The following PRKG1 variants were observed in gnomAD, a reference collection of about 807,000 sequenced individuals.
PRKG1 encodes the protein cGMP-dependent protein kinase 1.
PRKG1 carries 35 observed loss-of-function variants against 88.1 expected under a neutral mutation model. The observed-to-expected ratio is 0.40, with a 90% CI of 0.30 to 0.53. The LOEUF is 0.53. Ranked by LOEUF, PRKG1 falls within the 20% of genes least tolerant of loss-of-function variation. PRKG1 has a pLI of 0.59. For missense variants in PRKG1, 540 were observed against 839.8 expected (o/e 0.64, Z 4.41); for synonymous variants, 303 against 292.5 (o/e 1.04, Z -0.37).
intron 1 of PRKG1, among the ~76,000 whole-genome samples, chr10:51,127,676 C>T (rs2131930610): frequency 6.6e-6 from 1 of 152,264 alleles, no homozygotes; most frequent in African/African-American, 2.4e-5. Context: ...TATTGCAGCA[C>T]TATTCACAAT....
Position 51,198,473 on chromosome 10 carries a change from T to C in PRKG1, c.478+45143T>C, listed in dbSNP as rs116586649. Among the ~76,000 whole-genome samples, 746 of 152,312 alleles carry C rather than the reference T, an allele frequency of 4.9e-3. 9 individuals are homozygous for C. The highest frequency in any genetic ancestry group is 0.017 in the African/African-American group (692 of 41,566). On this transcript the variant is annotated intron_variant, in intron 2 of 17. Coordinates refer to ENST00000373980, the MANE Select transcript of PRKG1 (RefSeq NM_006258.4). The stretch of plus-strand genomic sequence containing the variant: ...TAAAAACCTGTGAGAGATTTCCCCA[T>C]AAATTAGTGTAACTTAATTTAAAAT...
At chr10:51,741,386 G>T (rs940715842) in intron 3 of PRKG1, among the ~76,000 whole-genome samples, 14 of 151,806 alleles carry the variant, frequency 9.2e-5, no homozygotes, top group African/African-American at 3.1e-4. Context: ...TAATTTTGGG[G>T]GTCCATTTTC....
intron 2 of PRKG1, among the ~76,000 whole-genome samples, chr10:51,238,845 A>G (rs574942232): frequency 8.8e-4 from 134 of 152,080 alleles, no homozygotes; most frequent in Non-Finnish European, 1.7e-3. Flanking sequence ...TGAAAATTCT[A>G]GAATATAGTC....
intron 8 of PRKG1, among the ~76,000 whole-genome samples, chr10:52,159,296 T>C (rs1417998202): frequency 6.6e-6 from 1 of 151,538 alleles, no homozygotes; most frequent in African/African-American, 2.4e-5. Flanking sequence ...GAAATATTAA[T>C]AAATATTGGG....
At chr10:51,813,640 C>T (rs1031311020) in intron 4 of PRKG1, among the ~76,000 whole-genome samples, 2 of 152,140 alleles carry the variant, frequency 1.3e-5, no homozygotes, top group Admixed American at 1.3e-4. Flanking sequence ...GTCTATAGAA[C>T]TGATACTCTT....
chr10:51,634,826 A>T (rs1839615604), intron 3 of PRKG1, among the ~76,000 whole-genome samples: 1 of 152,274 alleles, frequency 6.6e-6, no homozygotes, highest in Admixed American at 6.5e-5. Flanking sequence ...AAGAAAACTA[A>T]ACTAATTCAG....
chr10:51,653,587 T>G (rs779870771), intron 3 of PRKG1, among the ~76,000 whole-genome samples: 1 of 152,152 alleles, frequency 6.6e-6, no homozygotes, highest in Non-Finnish European at 1.5e-5. Flanking sequence ...TTTTTTCCTT[T>G]GTAGAGTCTC....
chr10:52,118,926 A>C (rs566077821), intron 7 of PRKG1, among the ~76,000 whole-genome samples: 18 of 152,254 alleles, frequency 1.2e-4, no homozygotes, highest in African/African-American at 3.8e-4. Flanking sequence ...CCTTAAAATA[A>C]CTACTTAAAA....
chr10:51,678,132 A>G (rs979491001), intron 3 of PRKG1, among the ~76,000 whole-genome samples: 5 of 152,150 alleles, frequency 3.3e-5, no homozygotes, highest in African/African-American at 1.2e-4. Flanking sequence ...CTTTCCCAGC[A>G]TTATCTCAAA....
intron 1 of PRKG1, among the ~76,000 whole-genome samples, chr10:51,129,077 ATAT>A (rs1845501075): frequency 6.6e-6 from 1 of 152,288 alleles, no homozygotes; most frequent in South Asian, 2.1e-4. Context: ...TGATATTGAC[ATAT>A]TATGTTTGTA....
chr10:51,648,500 C>T (rs1839967114), intron 3 of PRKG1, among the ~76,000 whole-genome samples: 3 of 152,028 alleles, frequency 2.0e-5, no homozygotes, highest in African/African-American at 7.2e-5. Flanking sequence ...TTTTTATTCT[C>T]TCTCTTTTTT....
At chr10:51,860,187 T>C (rs1840835273) in intron 4 of PRKG1, among the ~76,000 whole-genome samples, 1 of 152,152 alleles carries the variant, frequency 6.6e-6, no homozygotes, top group Non-Finnish European at 1.5e-5. Flanking sequence ...CATGAGACTT[T>C]TATTTCAGTC....
chr10:52,131,074 G>A (rs1338495995), intron 7 of PRKG1, among the ~76,000 whole-genome samples: 1 of 152,146 alleles, frequency 6.6e-6, no homozygotes, highest in African/African-American at 2.4e-5. Context: ...TGAATGGAGG[G>A]AATGGAGGTG....
At chr10:51,710,838 G>T (rs1841727276) in intron 3 of PRKG1, among the ~76,000 whole-genome samples, 1 of 152,034 alleles carries the variant, frequency 6.6e-6, no homozygotes, top group African/African-American at 2.4e-5. Flanking sequence ...CCTGTTTTGG[G>T]GGGGGCGGGA....
intron 5 of PRKG1, among the ~76,000 whole-genome samples, chr10:52,026,733 T>C (rs60729665): frequency 0.013 from 2,018 of 152,206 alleles, 54 homozygotes; most frequent in African/African-American, 0.046. Context: ...TCCCAACACT[T>C]TGGGAGGCCG....
At chr10:52,253,242 T>C (rs1241455188) in intron 10 of PRKG1, 1 of 151,904 alleles carries the variant, frequency 6.6e-6, no homozygotes, top group Non-Finnish European at 1.5e-5. Flanking sequence ...AAAAAAAAAA[T>C]CAGTGTTACA....
At chr10:51,274,625 C>A (rs1021281146) in intron 2 of PRKG1, among the ~76,000 whole-genome samples, 5 of 152,124 alleles carry the variant, frequency 3.3e-5, no homozygotes, top group Non-Finnish European at 2.9e-5. Flanking sequence ...AGTTATTGAT[C>A]GATCCTGTTA....
intron 1 of PRKG1, among the ~76,000 whole-genome samples, chr10:51,114,297 A>G (rs1845054071): frequency 6.6e-6 from 1 of 152,146 alleles, no homozygotes; most frequent in South Asian, 2.1e-4. Context: ...TCTGTGCAAT[A>G]AAGAGTAGAA....
At chr10:51,036,565 T>C (rs1280562608) in intron 1 of PRKG1, among the ~76,000 whole-genome samples, 1 of 152,086 alleles carries the variant, frequency 6.6e-6, no homozygotes, top group African/African-American at 2.4e-5. Context: ...TTCAAATGAC[T>C]CATCTTTTCT....
Sources: gnomAD v4.1 joint callset for allele counts (sites outside exome capture counted in the v4.1 genomes callset) on GRCh38, gnomAD v4.1.1 for gene constraint, MANE v1.5 for transcripts, NCBI Gene and HGNC (gene_info 2026-07-23, HGNC 2026-07-21) for gene names.